Variants in PDE7A observed in about 807,000 individuals in gnomAD.
PDE7A encodes the protein phosphodiesterase 7A, also known as high affinity 3',5'-cyclic-AMP phosphodiesterase 7A.
PDE7A carries 39 observed loss-of-function variants against 64.3 expected under a neutral mutation model. The ratio of observed to expected loss-of-function variants is 0.61; its 90% CI spans 0.47 to 0.79. The LOEUF (loss-of-function observed/expected upper bound fraction) is 0.79. Among genes scored for constraint, PDE7A ranks in the 30% least tolerant of loss-of-function variants. The probability of loss-of-function intolerance (pLI) is 0.00; values close to 1 mark genes in which losing one functional copy is unlikely to be tolerated. For synonymous variants in PDE7A, 203 were observed against 206.8 expected, an observed-to-expected ratio of 0.98 and a Z score of 0.16; for missense variants, 470 against 582.8, an observed-to-expected ratio of 0.81 and a Z score of 1.99.
intron 1 of PDE7A, among the ~76,000 whole-genome samples, chr8:65,785,896 A>AT (rs1809542589): frequency 6.6e-6 from 1 of 152,130 alleles, no homozygotes; most frequent in South Asian, 2.1e-4. Flanking sequence ...AAGGTAAAAT[A>AT]TTTATCACTT....
chr8:65,833,768 A>G (rs1810886589), intron 1 of PDE7A, among the ~76,000 whole-genome samples: 1 of 152,176 alleles, frequency 6.6e-6, no homozygotes, highest in Admixed American at 6.5e-5. Flanking sequence ...GTTCCAGACC[A>G]GCATGGGCAA....
chr8:65,719,381 C>T lies in PDE7A; in HGVS notation c.1358G>A (p.Gly453Glu). ...ACTGCTCGACTGTTCTCTCTGCAGTCCCTTCCAGCTGGCTTTATTCAGCCC... is the reference window on the plus strand; with the variant it reads ...ACTGCTCGACTGTTCTCTCTGCAGTTCCTTCCAGCTGGCTTTATTCAGCCC... ...HVGLNKASWKGLQREQSSSED... is the reference protein window; with the variant it reads ...HVGLNKASWKELQREQSSSED... Residue 453 changes from glycine to glutamate, a missense_variant, in exon 13 of 13, where the codon GGA becomes GAA. By Grantham distance (98) the Gly-to-Glu change is moderately conservative (BLOSUM62 -2). Transcript: ENST00000401827. 6.2e-7 allele frequency: 1 copy of T among 1,614,060 alleles called. No individual in the cohort carries two copies. Among genetic ancestry groups the T allele is most frequent in the South Asian group, 1.1e-5 (1 of 91,088 alleles).
intron 2 of PDE7A, among the ~76,000 whole-genome samples, 192 bp downstream of exon 2, chr8:65,782,591 C>T (rs1041931552): frequency 3.9e-5 from 6 of 152,130 alleles, no homozygotes; most frequent in Non-Finnish European, 8.8e-5. Context: ...TTCTCAATTA[C>T]CTATAACTCT....
intron 7 of PDE7A, chr8:65,727,662 T>C (rs1227941884): frequency 5.9e-6 from 1 of 169,834 alleles, no homozygotes; most frequent in South Asian, 1.8e-4. Context: ...TTTATTACTG[T>C]AGCCATTACT....
intron 1 of PDE7A, among the ~76,000 whole-genome samples, chr8:65,807,862 G>A (rs80354851): frequency 0.057 from 8,689 of 152,230 alleles, 358 homozygotes; most frequent in Middle Eastern, 0.11. Flanking sequence ...CAGTGATGAT[G>A]ATTCTGAGCT....
chr8:65,820,398 A>C (rs1810514575), intron 1 of PDE7A, among the ~76,000 whole-genome samples: 1 of 152,218 alleles, frequency 6.6e-6, no homozygotes, highest in Non-Finnish European at 1.5e-5. Flanking sequence ...CCTGTTTCAA[A>C]AAAAAGAAAA....
chr8:65,744,020 A>G (rs2128904441), intron 5 of PDE7A, among the ~76,000 whole-genome samples: 1 of 152,226 alleles, frequency 6.6e-6, no homozygotes, highest in Admixed American at 6.5e-5. Context: ...TTTAGTAGAG[A>G]TGGGGTTTTG....
At chr8:65,792,755 T>TTG (rs1222400774) in intron 1 of PDE7A, among the ~76,000 whole-genome samples, 2 of 152,216 alleles carry the variant, frequency 1.3e-5, no homozygotes, top group Non-Finnish European at 2.9e-5. Context: ...GAGTAAGGTT[T>TTG]TGGTTTATTT....
intron 3 of PDE7A, among the ~76,000 whole-genome samples, chr8:65,748,185 C>A (rs1407298528): frequency 6.6e-6 from 1 of 151,718 alleles, no homozygotes; most frequent in Non-Finnish European, 1.5e-5. Context: ...ATGGAAAAAA[C>A]CTAGTTTCAA....
intron 3 of PDE7A, among the ~76,000 whole-genome samples, chr8:65,748,749 T>C (rs1051908160): frequency 6.6e-6 from 1 of 152,192 alleles, no homozygotes. Context: ...AGCCCTGTGT[T>C]TCCTTATGTG....
At chr8:65,827,388 C>T (rs77670797) in intron 1 of PDE7A, among the ~76,000 whole-genome samples, 8,746 of 152,142 alleles carry the variant, frequency 0.057, 362 homozygotes, top group Middle Eastern at 0.11. Flanking sequence ...TTAGATTTTA[C>T]GAACGTATTA....
intron 1 of PDE7A, among the ~76,000 whole-genome samples, chr8:65,801,375 T>C (rs1809981531): frequency 6.6e-6 from 1 of 152,160 alleles, no homozygotes; most frequent in South Asian, 2.1e-4. Flanking sequence ...ATAATTATTC[T>C]GACAAAAACA....
intron 1 of PDE7A, among the ~76,000 whole-genome samples, chr8:65,840,398 G>GCACACACACACACA (rs746987926): frequency 7.3e-5 from 8 of 109,620 alleles, no homozygotes; most frequent in African/African-American, 2.1e-4. Context: ...CACACTACCT[G>GCACACACACACACA]CACACACACA....
At chr8:65,757,860 G>A (rs1234566569) in intron 3 of PDE7A, among the ~76,000 whole-genome samples, 2 of 152,106 alleles carry the variant, frequency 1.3e-5, no homozygotes, top group African/African-American at 4.8e-5. Context: ...CTCGTGATCC[G>A]ACCGCCTTGG....
chr8:65,753,347 T>A (rs1808057373), intron 3 of PDE7A, among the ~76,000 whole-genome samples: 1 of 152,186 alleles, frequency 6.6e-6, no homozygotes, highest in African/African-American at 2.4e-5. Flanking sequence ...AATGGCTCTC[T>A]CCTTCTCTGC....
chr8:65,766,111 A>G (rs1452830424), intron 3 of PDE7A, among the ~76,000 whole-genome samples: 1 of 151,944 alleles, frequency 6.6e-6, no homozygotes, highest in Non-Finnish European at 1.5e-5. Context: ...ACGCCCAGCT[A>G]ATTTTTGTAT....
Position 65,715,229 on chromosome 8 carries a change from T to C in PDE7A, c.*4061A>G, listed in dbSNP as rs374468607. ...TTTAGAAAAAAATATTCCAGTAATATAGGTCGTATTTAAGTGGAGCTATAG... is the reference window on the plus strand; with the variant it reads ...TTTAGAAAAAAATATTCCAGTAATACAGGTCGTATTTAAGTGGAGCTATAG... On this transcript the variant is annotated 3_prime_UTR_variant, in exon 13 of 13. Coordinates refer to ENST00000401827, the MANE Select transcript of PDE7A (RefSeq NM_001242318.3). Among the ~76,000 whole-genome samples the C allele has an allele frequency of 3.9e-4, 59 of 152,228 alleles. No homozygotes were observed. Among genetic ancestry groups the C allele is most frequent in the African/African-American group, 1.3e-3 (53 of 41,526 alleles).
chr8:65,770,505 C>T (rs1055306581), intron 3 of PDE7A, among the ~76,000 whole-genome samples: 2 of 152,178 alleles, frequency 1.3e-5, no homozygotes, highest in African/African-American at 4.8e-5. Context: ...AATTACCTCC[C>T]ACTGGGCCCC....
rs936401626 is a variant in PDE7A, at chr8:65,766,225, C to T, written c.283+13495G>A. Among the ~76,000 whole-genome samples the T allele has an allele frequency of 5.3e-5, 8 of 152,268 alleles. No homozygotes were observed. The South Asian group carries it at 1.5e-3, about 28-fold the overall frequency. ...CCTCCCAAAGTGCTGGGATTACAGG[C>T]GTGAGCCACCATGCCCAGCCGAGAT... On this transcript the variant is annotated intron_variant, in intron 3 of 12. Transcript: ENST00000401827.
Sources: gnomAD v4.1 joint callset for allele counts (sites outside exome capture counted in the v4.1 genomes callset) on GRCh38, gnomAD v4.1.1 for gene constraint, MANE v1.5 for transcripts, NCBI Gene and HGNC (gene_info 2026-07-23, HGNC 2026-07-21) for gene names.